Variants in DPYD observed in about 807,000 individuals in gnomAD.
DPYD encodes the protein dihydropyrimidine dehydrogenase [NADP(+)].
Under a neutral mutation model 116.2 loss-of-function variants are expected in DPYD, and 109 were observed. The ratio of observed to expected loss-of-function variants is 0.94; its 90% confidence interval spans 0.80 to 1.10. The LOEUF (loss-of-function observed/expected upper bound fraction) is 1.10. Ranked by LOEUF, DPYD falls within the 50% of genes least tolerant of loss-of-function variation. The pLI is 0.00. For missense variants in DPYD, 1,302 were observed against 1,254.5 expected (o/e 1.04, Z -0.57); for synonymous variants, 440 against 432.0 (o/e 1.02, Z -0.23).
chr1:97,468,520 AT>A (rs1399381997), intron 13 of DPYD, among the ~76,000 whole-genome samples: 3 of 152,144 alleles, frequency 2.0e-5, no homozygotes, highest in African/African-American at 7.2e-5. Context: ...CAGACACCAA[AT>A]TTGCCAGTGC....
rs1377693834 is a variant in DPYD, at chr1:97,204,257, T to C, written c.2443-11009A>G. ...ACTGTGTATATGGAAAAATAAAAGC[T>C]CACAAAGTTTGTGGTTTTGCAGAAA... On this transcript the variant is annotated intron_variant, in intron 19 of 22. Coordinates refer to ENST00000370192, the MANE Select transcript of DPYD (RefSeq NM_000110.4). 3.3e-5 allele frequency among the ~76,000 whole-genome samples: 5 copies of C among 152,238 alleles called. No homozygotes were observed. In the East Asian group the frequency reaches 7.7e-4, roughly 24 times the overall value.
At chr1:97,700,486 A>G (rs943839220) in intron 5 of DPYD, among the ~76,000 whole-genome samples, 1 of 152,028 alleles carries the variant, frequency 6.6e-6, no homozygotes, top group Non-Finnish European at 1.5e-5. Flanking sequence ...ACACTCTACA[A>G]GTAGGGCAAA....
At chr1:97,510,387 C>T (rs935680901) in intron 13 of DPYD, among the ~76,000 whole-genome samples, 5 of 151,898 alleles carry the variant, frequency 3.3e-5, no homozygotes, top group African/African-American at 9.7e-5. Context: ...TTGACTGTAT[C>T]GTTTTGTGTT....
intron 16 of DPYD, among the ~76,000 whole-genome samples, chr1:97,373,039 G>A (rs1671386059): frequency 6.6e-6 from 1 of 152,126 alleles, no homozygotes; most frequent in Admixed American, 6.6e-5. Flanking sequence ...GCTTTTGAAA[G>A]TATTTTAGTA....
intron 13 of DPYD, among the ~76,000 whole-genome samples, chr1:97,487,222 A>T (rs1245295881): frequency 6.6e-6 from 1 of 152,170 alleles, no homozygotes; most frequent in African/African-American, 2.4e-5. Context: ...AAGACAAAGA[A>T]ATATCTTTAT....
rs137940144 is a variant in DPYD at position 97,912,604 on chromosome 1, TTTTTG to T, written c.39+8275_39+8279del. Among the ~76,000 whole-genome samples the T allele has an allele frequency of 3.4e-3, 524 of 152,256 alleles. 2 individuals are homozygous for T. The highest frequency in any genetic ancestry group is 0.012 in the African/African-American group (494 of 41,550). On this transcript the variant is annotated intron_variant, in intron 1 of 22. Transcript: ENST00000370192. ...TTTGGGGTCATCTTTTGATTTTAGT[TTTTTG>T]TATGTTTTAAATCTTCTGTAATAAT...
chr1:97,316,983 T>C (rs1303758787), intron 16 of DPYD, among the ~76,000 whole-genome samples: 3 of 151,894 alleles, frequency 2.0e-5, no homozygotes, highest in Non-Finnish European at 4.4e-5. Context: ...CATAGGCCTA[T>C]CTTCACAGGC....
intron 3 of DPYD, among the ~76,000 whole-genome samples, chr1:97,759,944 C>T (rs914956): frequency 0.96 from 145,681 of 152,192 alleles, 70,063 homozygotes; most frequent in East Asian, 1. Flanking sequence ...TAAAAGCATG[C>T]GCAAAAGACT....
At chr1:97,830,125 C>T (rs1329128189) in intron 2 of DPYD, among the ~76,000 whole-genome samples, 1 of 152,114 alleles carries the variant, frequency 6.6e-6, no homozygotes, top group Non-Finnish European at 1.5e-5. Flanking sequence ...ATATGGGCCA[C>T]ATTTTCTTAA....
intron 10 of DPYD, among the ~76,000 whole-genome samples, chr1:97,584,825 G>A (rs1237360806): frequency 6.7e-6 from 1 of 149,602 alleles, no homozygotes; most frequent in Non-Finnish European, 1.5e-5. Flanking sequence ...GGGAGGGATA[G>A]CATTAGGTCA....
Position 97,699,350 on chromosome 1 carries a change from C to T in DPYD, c.680+1G>A, listed in dbSNP as rs867460475. The T allele has an allele frequency of 3.1e-6, 5 of 1,612,886 alleles. No homozygotes were observed. Among genetic ancestry groups the T allele is most frequent in the Non-Finnish European group, 3.4e-6 (4 of 1,179,164 alleles). On this transcript the variant is annotated splice_donor_variant, in intron 6 of 22. Transcript: ENST00000370192. LOFTEE classifies it high-confidence loss of function. Reference sequence around the variant, plus strand: ...AAACATGAAATAAATGTAGGCATTACCTTAAACCACCAACATATTCTTGTT... The same window carrying T: ...AAACATGAAATAAATGTAGGCATTATCTTAAACCACCAACATATTCTTGTT...
intron 20 of DPYD, among the ~76,000 whole-genome samples, chr1:97,149,304 T>G (rs775733540): frequency 3.7e-4 from 57 of 152,272 alleles, no homozygotes; most frequent in Non-Finnish European, 6.9e-4. Flanking sequence ...CACGCTGGAG[T>G]GCAGTGGCAT....
intron 19 of DPYD, among the ~76,000 whole-genome samples, chr1:97,213,140 A>C (rs776032497): frequency 1.3e-5 from 2 of 152,076 alleles, no homozygotes; most frequent in African/African-American, 2.4e-5. Context: ...CCACCCTCTG[A>C]CCTATCAAAC....
chr1:97,910,741 T>C (rs959845339), intron 1 of DPYD, among the ~76,000 whole-genome samples: 1 of 152,062 alleles, frequency 6.6e-6, no homozygotes, highest in African/African-American at 2.4e-5. Context: ...TCAATAAATA[T>C]TATAAAGGAC....
At chr1:97,613,477 G>T (rs1271772705) in intron 8 of DPYD, among the ~76,000 whole-genome samples, 1 of 151,554 alleles carries the variant, frequency 6.6e-6, no homozygotes, top group East Asian at 1.9e-4. Context: ...TAAACTATTG[G>T]GTGGTTTCAC....
chr1:97,569,641 A>C (rs1303489046), intron 11 of DPYD, among the ~76,000 whole-genome samples: 4 of 151,856 alleles, frequency 2.6e-5, no homozygotes, highest in Admixed American at 2.0e-4. Context: ...GGAGTCGTAC[A>C]TTCTTAGAGG....
intron 20 of DPYD, among the ~76,000 whole-genome samples, chr1:97,123,463 C>T (rs189834283): frequency 1.2e-4 from 19 of 152,040 alleles, no homozygotes; most frequent in Non-Finnish European, 2.6e-4. Context: ...AATATAGTAC[C>T]TTCAATAGCC....
chr1:97,526,983 A>C (rs1412892769), intron 12 of DPYD, among the ~76,000 whole-genome samples: 6 of 152,206 alleles, frequency 3.9e-5, no homozygotes, highest in Admixed American at 3.9e-4. Context: ...GCCCAAAGAA[A>C]GTAAACTGCT....
chr1:97,318,964 C>T (rs1338426843), intron 16 of DPYD, among the ~76,000 whole-genome samples: 439 of 121,080 alleles, frequency 3.6e-3, no homozygotes, highest in African/African-American at 0.013. Flanking sequence ...AACTGAACAA[C>T]CTGCTCCTGA....
Sources: gnomAD v4.1 joint callset for allele counts (sites outside exome capture counted in the v4.1 genomes callset) on GRCh38, gnomAD v4.1.1 for gene constraint, MANE v1.5 for transcripts, NCBI Gene and HGNC (gene_info 2026-07-23, HGNC 2026-07-21) for gene names.